PAK4: variants seen among roughly 807,000 people sequenced by gnomAD.
The protein encoded by PAK4 is p21 (RAC1) activated kinase 4.
Under a neutral mutation model 53.5 loss-of-function variants are expected in PAK4, and 49 were observed. The ratio of observed to expected loss-of-function variants is 0.92; its 90% CI spans 0.73 to 1.16. The LOEUF is 1.16. Among genes scored for constraint, PAK4 ranks in the 50% most tolerant of loss-of-function variants. The pLI, the probability that PAK4 is intolerant of heterozygous loss-of-function variation, is 0.00. For synonymous variants in PAK4, 376 were observed against 375.6 expected (o/e 1.00, Z -0.01); for missense variants, 824 against 850.7 (o/e 0.97, Z 0.39).
intron 1 of PAK4, among the ~76,000 whole-genome samples, chr19:39,128,047 C>G (rs1474425680): frequency 6.6e-6 from 1 of 152,122 alleles, no homozygotes; most frequent in Non-Finnish European, 1.5e-5. Context: ...GTGGAGCTGC[C>G]TGAGGCCTTG....
intron 1 of PAK4, among the ~76,000 whole-genome samples, chr19:39,145,159 A>G (rs2073978865): frequency 6.6e-6 from 1 of 152,060 alleles, no homozygotes; most frequent in African/African-American, 2.4e-5. Context: ...AAGAGAAGAG[A>G]GAATCACCTG....
chr19:39,144,477 T>C (rs1444072408), intron 1 of PAK4, among the ~76,000 whole-genome samples: 1 of 152,224 alleles, frequency 6.6e-6, no homozygotes, highest in East Asian at 1.9e-4. Context: ...GACCCAAATC[T>C]TCAGTAATAA....
chr19:39,140,768 G>A (rs1363799336), intron 1 of PAK4, among the ~76,000 whole-genome samples: 2 of 152,102 alleles, frequency 1.3e-5, no homozygotes, highest in African/African-American at 4.8e-5. Context: ...TCCCTGCTCC[G>A]GCACAGCATC....
At chr19:39,152,349 G>A (rs1469307234) in intron 1 of PAK4, 2 of 152,020 alleles carry the variant, frequency 1.3e-5, no homozygotes, top group African/African-American at 4.8e-5. Flanking sequence ...TAGCTTTCTC[G>A]GTTCTCACAT....
At position 39,173,498 on chromosome 19, in the gene PAK4, G is replaced by A. The variant is rs891737588; in HGVS notation, c.664-78G>A. 3.4e-5 allele frequency: 47 copies of A among 1,367,674 alleles called. No homozygotes were observed. The highest frequency in any genetic ancestry group is 2.6e-4 in the East Asian group (11 of 42,532). The allele number at this position is 1,367,674 out of a possible 1,614,324, so 84.7% of individuals were successfully genotyped here. On this transcript the variant is annotated intron_variant, in intron 3 of 8. Transcript: ENST00000358301. This position sits in a 1 kb window ranked among gnomAD's most constrained non-coding sequence, Gnocchi z 6.9. ...TGACCACCCATGTGTCTGTCCCATC[G>A]CTGGGTCTCTCTCCTGCTTAGGGAG...
chr19:39,126,486 A>ACAG (rs1432100868), intron 1 of PAK4, among the ~76,000 whole-genome samples: 2 of 146,128 alleles, frequency 1.4e-5, no homozygotes, highest in African/African-American at 2.6e-5. Flanking sequence ...CTTCCTGGTG[A>ACAG]CAGGAGAAGG....
intron 1 of PAK4, among the ~76,000 whole-genome samples, chr19:39,127,693 A>C (rs2073614538): frequency 6.6e-6 from 1 of 151,938 alleles, no homozygotes; most frequent in African/African-American, 2.4e-5. Flanking sequence ...GCAGAGTGGA[A>C]CCAGCCCCCA....
intron 1 of PAK4, among the ~76,000 whole-genome samples, chr19:39,145,515 C>A (rs913034887): frequency 6.6e-6 from 1 of 151,768 alleles, no homozygotes; most frequent in African/African-American, 2.4e-5. Flanking sequence ...CTCTGGGCTC[C>A]TCTCACCCAG....
At chr19:39,152,703 G>T (rs971625558) in intron 1 of PAK4, among the ~76,000 whole-genome samples, 1 of 152,094 alleles carries the variant, frequency 6.6e-6, no homozygotes, top group Non-Finnish European at 1.5e-5. Flanking sequence ...CATTACGTTT[G>T]GGGGGGTGGA....
rs185308987 is a variant in PAK4 at position 39,140,579 on chromosome 19, G to A, written c.-23+14660G>A. ...AGTAGTTTAATTGCAACAAAGGTTT[G>A]TGCTAGAAAGGCGAATATTACATTG... On this transcript the variant is annotated intron_variant, in intron 1 of 8. Transcript: ENST00000358301. 3.0e-3 allele frequency among the ~76,000 whole-genome samples: 453 copies of A among 152,334 alleles called. 3 individuals are homozygous for A. The highest frequency in any genetic ancestry group is 9.5e-3 in the African/African-American group (396 of 41,572).
intron 1 of PAK4, among the ~76,000 whole-genome samples, chr19:39,151,770 G>A (rs2074097702): frequency 6.6e-6 from 1 of 152,148 alleles, no homozygotes; most frequent in Admixed American, 6.6e-5. Flanking sequence ...CAATTCATAT[G>A]TTTTATTTAT....
At chr19:39,160,415 G>A (rs1045273382) in intron 1 of PAK4, among the ~76,000 whole-genome samples, 20 of 152,224 alleles carry the variant, frequency 1.3e-4, no homozygotes, top group African/African-American at 4.1e-4. Flanking sequence ...TGGGGGCACT[G>A]CCAGTCAGTA....
intron 1 of PAK4, among the ~76,000 whole-genome samples, chr19:39,132,074 C>T (rs1048375996): frequency 5.3e-5 from 8 of 152,286 alleles, no homozygotes; most frequent in Admixed American, 3.9e-4. Context: ...ATAACCCCAG[C>T]CCCCCGCCCG....
chr19:39,129,358 G>C (rs960297425), intron 1 of PAK4, among the ~76,000 whole-genome samples: 1 of 152,032 alleles, frequency 6.6e-6, no homozygotes, highest in Non-Finnish European at 1.5e-5. Context: ...GAGGTGGTCC[G>C]TTGGAGCTAT....
At chr19:39,140,186 A>C (rs2073887520) in intron 1 of PAK4, among the ~76,000 whole-genome samples, 2 of 150,752 alleles carry the variant, frequency 1.3e-5, no homozygotes, top group African/African-American at 2.4e-5. Flanking sequence ...ACCCTCCTGC[A>C]TTTCAGCTTC....
At chr19:39,156,672 C>A (rs570038912) in intron 1 of PAK4, 1 of 152,234 alleles carries the variant, frequency 6.6e-6, no homozygotes, top group Admixed American at 6.5e-5. Flanking sequence ...CTCCTGGCCG[C>A]GTCACCACCG....
intron 1 of PAK4, among the ~76,000 whole-genome samples, chr19:39,166,185 C>A (rs1039810974): frequency 6.6e-6 from 1 of 152,216 alleles, no homozygotes; most frequent in African/African-American, 2.4e-5. Context: ...AGGCCAGGCG[C>A]AGGGCTCACG....
At chr19:39,177,848 G>A (rs748247430) in intron 8 of PAK4, 39 bp downstream of exon 9, 1 of 1,581,854 alleles carries the variant, frequency 6.3e-7, no homozygotes, top group Non-Finnish European at 8.6e-7. Context: ...GCGCCAGCTG[G>A]CGGGTGGCAG....
At chr19:39,177,627 C>T in intron 7 of PAK4, 48 bp from the exon 9 acceptor site, 7 of 1,580,020 alleles carry the variant, frequency 4.4e-6, no homozygotes, top group Non-Finnish European at 6.0e-6. Flanking sequence ...TCCCCAGGAC[C>T]CACCATCCCC....
Sources: gnomAD v4.1 joint callset for allele counts (sites outside exome capture counted in the v4.1 genomes callset) on GRCh38, gnomAD v4.1.1 for gene constraint, Gnocchi (gnomAD v3.1) non-coding constraint, MANE v1.5 for transcripts, NCBI Gene and HGNC (gene_info 2026-07-23, HGNC 2026-07-21) for gene names.